The following RNF150 variants were observed in gnomAD, a reference collection of about 807,000 sequenced individuals.
The protein encoded by RNF150 is ring finger protein 150.
Under a neutral mutation model 39.3 loss-of-function variants are expected in RNF150, and 24 were observed. The observed-to-expected ratio is 0.61, with a 90% confidence interval of 0.44 to 0.86. RNF150 has a LOEUF of 0.86. Ranked by LOEUF, RNF150 falls within the 40% of genes least tolerant of loss-of-function variation. The pLI, the probability that RNF150 is intolerant of heterozygous loss-of-function variation, is 0.00. For missense variants in RNF150, 502 were observed against 587.8 expected (o/e 0.85, Z 1.51); for synonymous variants, 255 against 227.3 (o/e 1.12, Z -1.10).
chr4:141,164,322 C>T (rs868185593), intron 1 of RNF150, among the ~76,000 whole-genome samples: 3 of 151,986 alleles, frequency 2.0e-5, no homozygotes, highest in East Asian at 1.9e-4. Context: ...ACCAAACCTA[C>T]GTTTGACTGG....
At chr4:140,927,001 T>C (rs1265159792) in intron 4 of RNF150, among the ~76,000 whole-genome samples, 2 of 152,206 alleles carry the variant, frequency 1.3e-5, no homozygotes, top group Non-Finnish European at 2.9e-5. Context: ...AATGGAGCAA[T>C]GTTCTTGAAT....
chr4:141,160,520 TA>T (rs1426387747), intron 1 of RNF150, among the ~76,000 whole-genome samples: 1 of 152,198 alleles, frequency 6.6e-6, no homozygotes, highest in Admixed American at 6.5e-5. Flanking sequence ...ATAACAAAAT[TA>T]ATTAATTTAT....
chr4:140,870,539 C>A (rs1348229825), intron 6 of RNF150, among the ~76,000 whole-genome samples: 1 of 151,878 alleles, frequency 6.6e-6, no homozygotes, highest in African/African-American at 2.4e-5. Flanking sequence ...GATCCCTGAC[C>A]TTCGGGAAAT....
intron 1 of RNF150, among the ~76,000 whole-genome samples, chr4:141,193,482 A>T (rs544945544): frequency 7.2e-5 from 11 of 152,304 alleles, no homozygotes; most frequent in African/African-American, 2.6e-4. Flanking sequence ...CACATCTTTA[A>T]CAGTTATTTG....
chr4:141,113,023 T>G (rs1176382724), intron 1 of RNF150, among the ~76,000 whole-genome samples: 3 of 152,088 alleles, frequency 2.0e-5, no homozygotes, highest in Non-Finnish European at 4.4e-5. Context: ...ATTTGGCTAT[T>G]GATACTTGAG....
intron 6 of RNF150, among the ~76,000 whole-genome samples, chr4:140,908,710 A>C (rs1018917391): frequency 1.3e-5 from 2 of 152,168 alleles, no homozygotes; most frequent in African/African-American, 4.8e-5. Context: ...AATTATATGG[A>C]TATAGATCAT....
At chr4:140,872,519 C>T (rs1027292559) in intron 6 of RNF150, among the ~76,000 whole-genome samples, 1 of 151,784 alleles carries the variant, frequency 6.6e-6, no homozygotes, top group African/African-American at 2.4e-5. Context: ...AAAATATTGG[C>T]AGGACAATGG....
intron 1 of RNF150, among the ~76,000 whole-genome samples, chr4:141,113,046 A>G (rs1483151604): frequency 6.6e-6 from 1 of 151,906 alleles, no homozygotes; most frequent in Non-Finnish European, 1.5e-5. Flanking sequence ...TGTCTCACGA[A>G]GTTCTCGTGC....
intron 1 of RNF150, among the ~76,000 whole-genome samples, chr4:141,078,369 G>A (rs1275426191): frequency 6.6e-6 from 1 of 152,050 alleles, no homozygotes; most frequent in Non-Finnish European, 1.5e-5. Flanking sequence ...GGGAGGAGTG[G>A]GGCTCCATTT....
At chr4:140,963,901 T>A (rs1233507628) in intron 2 of RNF150, among the ~76,000 whole-genome samples, 1 of 152,014 alleles carries the variant, frequency 6.6e-6, no homozygotes, top group Non-Finnish European at 1.5e-5. Flanking sequence ...ATATATTTTA[T>A]AACATGATAA....
chr4:141,101,673 G>A (rs1257003624), intron 1 of RNF150, among the ~76,000 whole-genome samples: 2 of 152,084 alleles, frequency 1.3e-5, no homozygotes, highest in Admixed American at 1.3e-4. Flanking sequence ...CAGTAGGTTT[G>A]TTTACACCAG....
intron 5 of RNF150, among the ~76,000 whole-genome samples, chr4:140,922,198 A>G (rs934499325): frequency 3.3e-5 from 5 of 151,120 alleles, no homozygotes; most frequent in Non-Finnish European, 7.4e-5. Flanking sequence ...TGCAGATGAC[A>G]TGATTGTATA....
At chr4:140,965,040 A>G (rs916319295) in intron 2 of RNF150, among the ~76,000 whole-genome samples, 4 of 152,142 alleles carry the variant, frequency 2.6e-5, no homozygotes, top group Admixed American at 6.6e-5. Context: ...TACTTCATTC[A>G]TTACACTGAA....
At chr4:141,071,407 T>C (rs62327675) in intron 1 of RNF150, among the ~76,000 whole-genome samples, 10,503 of 146,330 alleles carry the variant, frequency 0.072, 400 homozygotes, top group African/African-American at 0.11. Context: ...ATAAGAAAAT[T>C]GGGTAGTATT....
At chr4:141,048,254 A>G (rs1383513629) in intron 1 of RNF150, among the ~76,000 whole-genome samples, 4 of 152,262 alleles carry the variant, frequency 2.6e-5, no homozygotes, top group Non-Finnish European at 5.9e-5. Flanking sequence ...GTACAGGATG[A>G]TTCGCAGCAA....
rs938679435 is a variant in RNF150 at position 140,957,855 on chromosome 4, A to T, written c.736-8483T>A. On this transcript the variant is annotated intron_variant, in intron 2 of 6. Transcript: ENST00000515673. ...CATAGGTGGGAAATGAACAATGAGA[A>T]CACATGGACACAGGAAGGGGAACGT... Among the ~76,000 whole-genome samples, 3 of 145,116 alleles carry T rather than the reference A, an allele frequency of 2.1e-5. No homozygotes were observed. The South Asian group carries it at 6.8e-4, about 33-fold the overall frequency.
At chr4:141,033,623 G>A (rs1454860795) in intron 1 of RNF150, among the ~76,000 whole-genome samples, 1 of 152,134 alleles carries the variant, frequency 6.6e-6, no homozygotes, top group South Asian at 2.1e-4. Flanking sequence ...CTTAAAAAAT[G>A]TATTTCTTAA....
intron 1 of RNF150, among the ~76,000 whole-genome samples, chr4:141,161,729 T>C (rs908887004): frequency 1.3e-5 from 2 of 152,210 alleles, no homozygotes; most frequent in Non-Finnish European, 2.9e-5. Context: ...AGCTGCTCCA[T>C]CTCTAGCTGT....
intron 2 of RNF150, among the ~76,000 whole-genome samples, chr4:140,954,000 C>T (rs114622111): frequency 0.023 from 3,433 of 152,172 alleles, 41 homozygotes; most frequent in East Asian, 0.052. Flanking sequence ...GGATTGGAAC[C>T]GGAAGTCTAT....
Sources: gnomAD v4.1 joint callset for allele counts (sites outside exome capture counted in the v4.1 genomes callset) on GRCh38, gnomAD v4.1.1 for gene constraint, MANE v1.5 for transcripts, NCBI Gene and HGNC (gene_info 2026-07-23, HGNC 2026-07-21) for gene names.